Variants in AFF3 observed in about 807,000 individuals in gnomAD.
AFF3 encodes AF4/FMR2 family member 3.
A neutral mutation model predicts 129.7 loss-of-function variants in AFF3; 32 were observed. That is an observed-to-expected ratio of 0.25 (90% confidence interval 0.19 to 0.33). The LOEUF is 0.33. Among genes scored for constraint, AFF3 ranks in the 10% least tolerant of loss-of-function variants. The pLI, the probability that AFF3 is intolerant of heterozygous loss-of-function variation, is 1.00. For synonymous variants in AFF3, 644 were observed against 635.4 expected (o/e 1.01, Z -0.20); for missense variants, 1,373 against 1,592.0 (o/e 0.86, Z 2.34).
chr2:99,982,764 C>T (rs1285470727), intron 7 of AFF3, among the ~76,000 whole-genome samples: 1 of 151,786 alleles, frequency 6.6e-6, no homozygotes, highest in African/African-American at 2.4e-5. Context: ...CATAATGAAA[C>T]TAAAAACCAG....
chr2:99,967,478 G>A (rs565447572), intron 7 of AFF3, among the ~76,000 whole-genome samples: 4 of 152,274 alleles, frequency 2.6e-5, no homozygotes, highest in South Asian at 4.2e-4. Context: ...CCAGACACAG[G>A]GGTATGCTGG....
At chr2:99,888,760 T>C (rs1308495316) in intron 7 of AFF3, among the ~76,000 whole-genome samples, 1 of 152,198 alleles carries the variant, frequency 6.6e-6, no homozygotes, top group East Asian at 1.9e-4. Context: ...ACTGCATCTT[T>C]TCAAGGAAAT....
chr2:99,557,291 T>G (rs1675021519), intron 22 of AFF3, among the ~76,000 whole-genome samples: 1 of 151,092 alleles, frequency 6.6e-6, no homozygotes, highest in South Asian at 2.1e-4. Flanking sequence ...TTTTTTTTTT[T>G]TTTTTTGAGA....
chr2:99,771,427 A>C (rs2105327124), intron 8 of AFF3, among the ~76,000 whole-genome samples: 1 of 151,940 alleles, frequency 6.6e-6, no homozygotes. Context: ...AAAAAAAAAA[A>C]ACCAGAGCAA....
intron 4 of AFF3, among the ~76,000 whole-genome samples, chr2:100,072,669 C>T (rs1402328954): frequency 6.6e-6 from 1 of 152,150 alleles, no homozygotes; most frequent in Non-Finnish European, 1.5e-5. Context: ...TCTCTGCAGT[C>T]ACACCAAGAG....
At chr2:99,708,712 G>A (rs1677632156) in intron 11 of AFF3, among the ~76,000 whole-genome samples, 1 of 151,962 alleles carries the variant, frequency 6.6e-6, no homozygotes, top group South Asian at 2.1e-4. Context: ...ATCACTTTTT[G>A]GGCATTTTGA....
Position 99,552,471 on chromosome 2 carries a change from T to C in AFF3, c.3560-876A>G, listed in dbSNP as rs577640138. Among the ~76,000 whole-genome samples the C allele has an allele frequency of 8.5e-5, 13 of 152,312 alleles. 1 individual carries two copies. The highest frequency in any genetic ancestry group is 8.5e-4 in the Admixed American group (13 of 15,304). On this transcript the variant is annotated intron_variant, in intron 24 of 24. Transcript: ENST00000672756. ...TAGGGGATGATAGCAGGATGAATTGTGTGGGCTCTGCTGTCTCAAAATCAC... is the reference window on the plus strand; with the variant it reads ...TAGGGGATGATAGCAGGATGAATTGCGTGGGCTCTGCTGTCTCAAAATCAC...
At chr2:99,919,378 G>A (rs1695703433) in intron 7 of AFF3, among the ~76,000 whole-genome samples, 1 of 152,116 alleles carries the variant, frequency 6.6e-6, no homozygotes. Context: ...TTCTGGAGGT[G>A]TTAGTTTGCC....
In AFF3 at chr2:99,593,788, T is replaced by G; in HGVS notation, c.1873A>C (p.Thr625Pro). 1 of 1,611,944 alleles carries G rather than the reference T, an allele frequency of 6.2e-7. No homozygotes were observed. The highest frequency in any genetic ancestry group is 1.1e-5 in the South Asian group (1 of 91,032). The change falls in exon 15 of 25, where the codon ACC becomes CCC. Residue 625 changes from threonine to proline, a missense_variant. Thr to Pro is a conservative substitution (Grantham distance 38). This residue lies in a region of AFF3 where 466 missense variants were observed against 505.0 expected (regional missense o/e 0.92). Transcript: ENST00000672756. ...TTGTTGCCACAGGGCCTGGTTTTGG[T>G]GGGCTCCGGGGGGACCACCACGCTC... is the stretch of plus-strand genomic sequence containing the variant. ...GTSVVVPPEP[T>P]KTRPCGNNRA...
At chr2:100,118,510 G>A in intron 2 of AFF3, among the ~76,000 whole-genome samples, 1 of 152,150 alleles carries the variant, frequency 6.6e-6, no homozygotes, top group East Asian at 1.9e-4. Flanking sequence ...TACAGTGTCA[G>A]CATCTAGTGT....
At chr2:99,851,016 C>T (rs886775929) in intron 7 of AFF3, among the ~76,000 whole-genome samples, 2 of 152,066 alleles carry the variant, frequency 1.3e-5, no homozygotes, top group African/African-American at 4.8e-5. Context: ...TAAAAGATGC[C>T]ATCCATAAAA....
intron 4 of AFF3, among the ~76,000 whole-genome samples, chr2:100,074,375 C>A (rs918330245): frequency 6.6e-6 from 1 of 152,166 alleles, no homozygotes; most frequent in Non-Finnish European, 1.5e-5. Flanking sequence ...TCCGCTATTT[C>A]CCTGCCTGCA....
chr2:99,594,573 T>G (rs1679100164), intron 14 of AFF3, among the ~76,000 whole-genome samples: 1 of 152,198 alleles, frequency 6.6e-6, no homozygotes, highest in Admixed American at 6.5e-5. Flanking sequence ...AGAACCCATT[T>G]CCTAGTACTT....
At chr2:99,677,967 G>A (rs763994609) in intron 11 of AFF3, among the ~76,000 whole-genome samples, 5 of 152,144 alleles carry the variant, frequency 3.3e-5, no homozygotes, top group African/African-American at 9.6e-5. Flanking sequence ...TACAGACGCC[G>A]GCTACCACGC....
At chr2:99,891,985 G>A (rs1163860148) in intron 7 of AFF3, among the ~76,000 whole-genome samples, 1 of 152,116 alleles carries the variant, frequency 6.6e-6, no homozygotes, top group African/African-American at 2.4e-5. Flanking sequence ...ACCATGCCCG[G>A]CTCATTTTTT....
intron 8 of AFF3, among the ~76,000 whole-genome samples, chr2:99,758,640 G>C (rs1370418166): frequency 6.8e-6 from 1 of 147,602 alleles, no homozygotes; most frequent in Admixed American, 6.7e-5. Flanking sequence ...TGATGATGAT[G>C]ATGGCAATGG....
chr2:99,815,540 C>G (rs530787406), intron 8 of AFF3, among the ~76,000 whole-genome samples: 79 of 152,008 alleles, frequency 5.2e-4, no homozygotes, highest in Non-Finnish European at 5.7e-4. Context: ...TTGTGTAGAT[C>G]TGACTTTCTG....
chr2:100,056,076 C>CAT (rs1243358869), intron 4 of AFF3, among the ~76,000 whole-genome samples: 1 of 150,584 alleles, frequency 6.6e-6, no homozygotes, highest in Non-Finnish European at 1.5e-5. Context: ...CACACACACA[C>CAT]ACACACACAC....
chr2:99,596,638 CT>C (rs1679317851), intron 14 of AFF3, among the ~76,000 whole-genome samples: 1 of 150,456 alleles, frequency 6.6e-6, no homozygotes, highest in African/African-American at 2.4e-5. Context: ...CTAGTTCTCC[CT>C]CACTGCTACC....
Sources: gnomAD v4.1 joint callset for allele counts (sites outside exome capture counted in the v4.1 genomes callset) on GRCh38, gnomAD v4.1.1 for gene constraint, gnomAD v4.1.1 regional missense constraint, MANE v1.5 for transcripts, NCBI Gene and HGNC (gene_info 2026-07-23, HGNC 2026-07-21) for gene names.